The following PKHD1L1 variants were observed in gnomAD, a reference collection of about 807,000 sequenced individuals.
PKHD1L1 encodes the protein PKHD1 like 1.
PKHD1L1 carries 434 observed loss-of-function variants against 462.9 expected under a neutral mutation model. The observed-to-expected ratio is 0.94, with a 90% CI of 0.87 to 1.02. The LOEUF (loss-of-function observed/expected upper bound fraction) is 1.02, where lower values mean the gene tolerates loss of function less well. Ranked by LOEUF, PKHD1L1 falls within the 50% of genes least tolerant of loss-of-function variation. The pLI is 0.00. For synonymous variants in PKHD1L1, 1,781 were observed against 1,750.0 expected, an observed-to-expected ratio of 1.02 and a Z score of -0.44; for missense variants, 5,202 against 5,096.1, an observed-to-expected ratio of 1.02 and a Z score of -0.63.
At chr8:109,414,982 TA>T (rs1563751425) in intron 21 of PKHD1L1, among the ~76,000 whole-genome samples, 2 of 141,672 alleles carry the variant, frequency 1.4e-5, no homozygotes, top group African/African-American at 2.8e-5. Context: ...TTATTATTAT[TA>T]TTATTATTAT....
At chr8:109,526,375 C>A (rs1385599735) in intron 76 of PKHD1L1, among the ~76,000 whole-genome samples, 2 of 152,184 alleles carry the variant, frequency 1.3e-5, no homozygotes, top group Non-Finnish European at 2.9e-5. Context: ...CAGTATCCAA[C>A]CCCACCTCCC....
chr8:109,420,533 G>T lies in PKHD1L1; in HGVS notation c.2540G>T (p.Arg847Ile). ...TATTCTTTAGAAATGCCCAAGAGAA[G>T]ACTTCCTGCATTAGCAAATAAAGGA... ...ISTLDEMPKR[R>I]LPALANKGIF... Residue 847 changes from arginine (R) to isoleucine (I), a missense_variant, in exon 23 of 78, where the codon AGA becomes ATA. Physicochemically the swap from Arg to Ile is moderately conservative, Grantham distance 97. Transcript: ENST00000378402. The T allele has an allele frequency of 6.3e-7, 1 of 1,585,482 alleles. No individual in the cohort carries two copies. The highest frequency in any genetic ancestry group is 1.2e-5 in the South Asian group (1 of 85,292).
At chr8:109,429,312 C>T (rs764881901) in intron 25 of PKHD1L1, 28 bp from the exon 26 acceptor site, 1 of 1,457,614 alleles carries the variant, frequency 6.9e-7, no homozygotes, top group Non-Finnish European at 9.3e-7. Context: ...TATAACCTTT[C>T]TAGTAAAATA....
intron 2 of PKHD1L1, among the ~76,000 whole-genome samples, chr8:109,365,915 A>T (rs966268918): frequency 6.6e-6 from 1 of 152,218 alleles, no homozygotes; most frequent in African/African-American, 2.4e-5. Context: ...CAGAGGTTGC[A>T]GTGAGCCGAG....
At chr8:109,514,503 T>A (rs979460131) in intron 71 of PKHD1L1, among the ~76,000 whole-genome samples, 1 of 152,118 alleles carries the variant, frequency 6.6e-6, no homozygotes, top group Non-Finnish European at 1.5e-5. Flanking sequence ...ATATTTTACC[T>A]CTAAAAATGA....
intron 63 of PKHD1L1, among the ~76,000 whole-genome samples, chr8:109,496,375 T>G: frequency 6.6e-6 from 1 of 152,218 alleles, no homozygotes; most frequent in Non-Finnish European, 1.5e-5. Flanking sequence ...GAAAATGGGA[T>G]GGCCAGAAGG....
In PKHD1L1 at chr8:109,496,999, C is replaced by A. The variant is rs1819122773; in HGVS notation, c.10408C>A (p.Leu3470Ile). 1 of 1,613,404 alleles carries A rather than the reference C, an allele frequency of 6.2e-7. No homozygotes were observed. The highest frequency in any genetic ancestry group is 8.5e-7 in the Non-Finnish European group (1 of 1,179,564). ...LYGIYMNQDG[L>I]PGCSLIQGFT... Reference sequence around the variant, plus strand: ...TGGGATCTATATGAACCAAGATGGCCTTCCTGGATGTTCTCTTATACAAGG... The same window carrying A: ...TGGGATCTATATGAACCAAGATGGCATTCCTGGATGTTCTCTTATACAAGG... Residue 3470 changes from leucine (L) to isoleucine (I), a missense_variant, in exon 64 of 78, where the codon CTT (leucine) becomes ATT (isoleucine). This residue lies in a region of PKHD1L1 where 4,497 missense variants were observed against 4,336.8 expected (regional missense o/e 1.04). Coordinates refer to ENST00000378402, the MANE Select transcript of PKHD1L1 (RefSeq NM_177531.6).
At chr8:109,529,998 T>C (rs891920684) in intron 77 of PKHD1L1, 82 bp from the exon 78 acceptor site, 4 of 886,244 alleles carry the variant, frequency 4.5e-6, no homozygotes, top group Middle Eastern at 3.7e-4. Context: ...ATGAGAAAAG[T>C]TAAAATTAAT....
At chr8:109,398,000 AATT>A (rs1813065096) in intron 11 of PKHD1L1, among the ~76,000 whole-genome samples, 1 of 152,042 alleles carries the variant, frequency 6.6e-6, no homozygotes, top group African/African-American at 2.4e-5. Flanking sequence ...GCCATTTAAC[AATT>A]ATTATCCCCC....
At chr8:109,392,501 C>T (rs961223935) in intron 9 of PKHD1L1, among the ~76,000 whole-genome samples, 1 of 151,720 alleles carries the variant, frequency 6.6e-6, no homozygotes, top group Non-Finnish European at 1.5e-5. Context: ...ACCCCCCACC[C>T]ATTTTTTTTT....
At chr8:109,417,133 T>C (rs1029905198) in intron 21 of PKHD1L1, among the ~76,000 whole-genome samples, 3 of 152,100 alleles carry the variant, frequency 2.0e-5, no homozygotes. Flanking sequence ...ACCTAGTATT[T>C]GATAGCACAA....
chr8:109,438,806 T>G, intron 31 of PKHD1L1, 91 bp from the exon 32 acceptor site: 4 of 1,013,326 alleles, frequency 3.9e-6, no homozygotes, highest in Non-Finnish European at 5.6e-6. Context: ...CAATGAAAGA[T>G]GAGAGATGAA....
rs1198234123 is a variant in PKHD1L1 at position 109,362,718 on chromosome 8, C to T, written c.73+65C>T. Reference sequence around the variant, plus strand: ...CCCGCGTAGACACTACCCCTGCTCCCGGGGTCCTGGGAGAGGCAGGACCAC... The same window carrying T: ...CCCGCGTAGACACTACCCCTGCTCCTGGGGTCCTGGGAGAGGCAGGACCAC... On this transcript the variant is annotated intron_variant, in intron 1 of 77. Transcript: ENST00000378402. 5 of 1,515,248 alleles carry T rather than the reference C, an allele frequency of 3.3e-6. No individual in the cohort carries two copies. In the Admixed American group the frequency reaches 9.8e-5, roughly 30 times the overall value. The allele number at this position is 1,515,248 out of a possible 1,614,324, so 93.9% of individuals were successfully genotyped here. A position where few individuals can be genotyped will look rare whatever the true frequency, so the allele number is the denominator to read the frequency against.
intron 6 of PKHD1L1, 50 bp downstream of exon 6, chr8:109,385,680 A>G (rs1266904545): frequency 8.3e-7 from 1 of 1,199,914 alleles, no homozygotes; most frequent in South Asian, 1.4e-5. Flanking sequence ...AATGAGAAGT[A>G]ATATTATAAA....
intron 2 of PKHD1L1, among the ~76,000 whole-genome samples, chr8:109,372,517 C>T (rs1811568139): frequency 1.3e-5 from 2 of 152,110 alleles, no homozygotes; most frequent in African/African-American, 4.8e-5. Flanking sequence ...GCCTGGTTGC[C>T]CTGGCCAGAA....
In PKHD1L1 at chr8:109,412,150, G is replaced by A. The variant is rs896890549; in HGVS notation, c.2086-115G>A. 9.4e-6 allele frequency: 9 copies of A among 962,354 alleles called. No homozygotes were observed. In the African/African-American group the frequency reaches 1.3e-4, roughly 14 times the overall value. 59.6% of individuals were successfully genotyped at this position (962,354 alleles called of 1,614,324 possible). A position where few individuals can be genotyped will look rare whatever the true frequency, so the allele number is the denominator to read the frequency against. ...AAGGAAGAAAACATCTAAAGTTAAA[G>A]TAATCAGGGAAACAATGGGATCTGG... On this transcript the variant is annotated intron_variant, in intron 19 of 77. Coordinates refer to ENST00000378402, the MANE Select transcript of PKHD1L1 (RefSeq NM_177531.6).
Position 109,429,352 on chromosome 8 carries a change from A to G in PKHD1L1, c.3013A>G (p.Asn1005Asp). 6.6e-7 allele frequency: 1 copy of G among 1,522,278 alleles called. No individual in the cohort carries two copies. The highest frequency in any genetic ancestry group is 9.0e-7 in the Non-Finnish European group (1 of 1,112,162). The allele number at this position is 1,522,278 out of a possible 1,614,324, so 94.3% of individuals were successfully genotyped here. A position where few individuals can be genotyped will look rare whatever the true frequency, so the allele number is the denominator to read the frequency against. Residue 1005 changes from asparagine to aspartate, a missense_variant, in exon 26 of 78, where the codon AAC (asparagine) becomes GAC (aspartate). By Grantham distance (23) the Asn-to-Asp change is conservative. Coordinates refer to ENST00000378402, the MANE Select transcript of PKHD1L1 (RefSeq NM_177531.6). ...TGTGTAAAAATAGATTAATGATTCC[A>G]ACATTATTGGAGAAAAGGCTAATAT... The part of the protein sequence containing the change: ...KQNLLQINDS[N>D]IIGEKANMTV...
intron 76 of PKHD1L1, among the ~76,000 whole-genome samples, chr8:109,524,033 G>A (rs530543399): frequency 3.9e-5 from 6 of 152,244 alleles, no homozygotes; most frequent in African/African-American, 1.4e-4. Flanking sequence ...ATAGGTTGAT[G>A]ACACAACTCT....
intron 8 of PKHD1L1, among the ~76,000 whole-genome samples, chr8:109,389,379 TTTC>T (rs1355578320): frequency 6.6e-6 from 1 of 152,138 alleles, no homozygotes; most frequent in Non-Finnish European, 1.5e-5. Context: ...CAGGTTTCTC[TTTC>T]TTCTTCTTTC....
Sources: allele counts gnomAD v4.1 joint callset (sites outside exome capture counted in the v4.1 genomes callset), GRCh38; gene constraint gnomAD v4.1.1; regional missense constraint gnomAD v4.1.1; transcripts MANE v1.5; gene names NCBI Gene and HGNC (gene_info 2026-07-23, HGNC 2026-07-21).